Variants in RPS6KA1 observed in about 807,000 individuals in gnomAD.
RPS6KA1 encodes the protein ribosomal protein S6 kinase A1.
In RPS6KA1, 48 loss-of-function variants were observed where a neutral mutation model predicts 91.3. The ratio of observed to expected loss-of-function variants is 0.53; its 90% CI spans 0.42 to 0.67. RPS6KA1 has a LOEUF of 0.67. RPS6KA1 is among the 30% of genes least tolerant of loss of function. RPS6KA1 has a pLI of 0.00. For synonymous variants in RPS6KA1, 359 were observed against 384.7 expected, an observed-to-expected ratio of 0.93 and a Z score of 0.78; for missense variants, 719 against 960.5, an observed-to-expected ratio of 0.75 and a Z score of 3.32.
In RPS6KA1 at chr1:26,554,633, G is replaced by A; in HGVS notation, c.651G>A (p.Lys217=). The change falls in exon 9 of 22, where the codon AAG becomes AAA. Residue 217 remains lysine, a synonymous_variant. Coordinates refer to ENST00000374168, the MANE Select transcript of RPS6KA1 (RefSeq NM_002953.4). The surrounding 1 kb of genome is among the most constrained non-coding windows in gnomAD (Gnocchi z 4.6). Reference sequence around the variant, plus strand: ...GCAAAGAGGCCATTGACCACGAGAAGAAGGCCTATTCTTTCTGCGGGACAG... The same window carrying A: ...GCAAAGAGGCCATTGACCACGAGAAAAAGGCCTATTCTTTCTGCGGGACAG... ...GLSKEAIDHE[K]KAYSFCGTVE... is the part of the protein sequence containing the mutation. The A allele has an allele frequency of 6.2e-7, 1 of 1,613,820 alleles. No individual in the cohort carries two copies. The highest frequency in any genetic ancestry group is 8.5e-7 in the Non-Finnish European group (1 of 1,179,756).
At chr1:26,548,014 A>C (rs530280409) in intron 4 of RPS6KA1, among the ~76,000 whole-genome samples, 1 of 152,296 alleles carries the variant, frequency 6.6e-6, no homozygotes, top group South Asian at 2.1e-4. Context: ...AAAAATACAA[A>C]GAAATGAGCT....
chr1:26,561,174 C>T lies in RPS6KA1; in HGVS notation c.1431+40C>T, dbSNP rs1441621163. 7 of 1,531,276 alleles carry T rather than the reference C, an allele frequency of 4.6e-6. No individual in the cohort carries two copies. The Admixed American group carries it at 1.0e-4, about 22-fold the overall frequency. The allele number at this position is 1,531,276 out of a possible 1,614,324, so 94.9% of individuals were successfully genotyped here. A position where few individuals can be genotyped will look rare whatever the true frequency, so the allele number is the denominator to read the frequency against. ...TTAAGACTGGGGTGGGGACCAGGAA[C>T]TCAACTCTCAGGATTTGTCTCAGGA... On this transcript the variant is annotated intron_variant, in intron 16 of 21. Transcript: ENST00000374168. The surrounding 1 kb of genome is among the most constrained non-coding windows in gnomAD (Gnocchi z 5.7).
intron 1 of RPS6KA1, among the ~76,000 whole-genome samples, chr1:26,533,999 C>CAG (rs1302864237): frequency 6.6e-6 from 1 of 152,174 alleles, no homozygotes; most frequent in Non-Finnish European, 1.5e-5. Context: ...ACACCCAAGC[C>CAG]AGAGATCCAG....
intron 13 of RPS6KA1, among the ~76,000 whole-genome samples, chr1:26,557,635 T>C (rs2076114276): frequency 6.6e-6 from 1 of 152,130 alleles, no homozygotes; most frequent in South Asian, 2.1e-4. Flanking sequence ...TGAGGGAGCT[T>C]CTGGGAAGGA....
intron 17 of RPS6KA1, among the ~76,000 whole-genome samples, chr1:26,568,000 G>A (rs1036026392): frequency 1.3e-5 from 2 of 152,124 alleles, no homozygotes; most frequent in African/African-American, 2.4e-5. Flanking sequence ...TGGAGGTCAC[G>A]GCCTATTGCT....
intron 6 of RPS6KA1, chr1:26,552,757 C>A: frequency 3.4e-6 from 1 of 295,750 alleles, no homozygotes; most frequent in Non-Finnish European, 6.9e-6. Context: ...AAACTGCTGG[C>A]TGGGATTATA....
chr1:26,529,910 G>T lies in RPS6KA1; in HGVS notation c.-11G>T. 7.0e-7 allele frequency: 1 copy of T among 1,425,042 alleles called. No homozygotes were observed. The highest frequency in any genetic ancestry group is 9.2e-7 in the Non-Finnish European group (1 of 1,088,568). 88.3% of individuals were successfully genotyped at this position (1,425,042 alleles called of 1,614,324 possible). ...CCGCCGGAGGAGCGCGGGTGACCTGGCGGCGGCGAGATGCCGCTCGCCCAG... is the reference window on the plus strand; with the variant it reads ...CCGCCGGAGGAGCGCGGGTGACCTGTCGGCGGCGAGATGCCGCTCGCCCAG... On this transcript the variant is annotated 5_prime_UTR_variant, in exon 1 of 22. Transcript: ENST00000374168. The surrounding 1 kb of genome is among the most constrained non-coding windows in gnomAD (Gnocchi z 4.2).
rs534936061 is a variant in RPS6KA1 at position 26,546,887 on chromosome 1, G to C, written c.129G>C (p.Glu43Asp). ...ATCAGGATGAGGGCGTCCTCAAGGA[G>C]ATCTCCATCACGCACCACGTCAAGG... ...QPSKDEGVLK[E>D]ISITHHVKAG... is the part of the protein sequence containing the mutation. The change falls in exon 3 of 22, where the codon GAG (glutamate) becomes GAC (aspartate). Residue 43 changes from glutamate (E) to aspartate (D), a missense_variant. Glu to Asp is a conservative substitution (Grantham distance 45). This residue lies in a region of RPS6KA1 where 57 missense variants were observed against 55.8 expected (regional missense o/e 1.02). Coordinates refer to ENST00000374168, the MANE Select transcript of RPS6KA1 (RefSeq NM_002953.4). The C allele has an allele frequency of 1.3e-4, 211 of 1,614,120 alleles. No individual in the cohort carries two copies. In the South Asian group the frequency reaches 2.0e-3, roughly 15 times the overall value.
rs375204707 is a variant in RPS6KA1 at position 26,555,256 on chromosome 1, C to A, written c.827+35C>A. ...AGCCCTGCCCTGATAACAATGGACT[C>A]CTCCAAGCCCCAGCCCCAGTTTGGG... is the stretch of plus-strand genomic sequence containing the variant. On this transcript the variant is annotated intron_variant, in intron 10 of 21. Coordinates refer to ENST00000374168, the MANE Select transcript of RPS6KA1 (RefSeq NM_002953.4). The surrounding 1 kb of genome is among the most constrained non-coding windows in gnomAD (Gnocchi z 4.3). 2.0e-4 allele frequency: 328 copies of A among 1,600,168 alleles called. 1 individual carries two copies. Among genetic ancestry groups the A allele is most frequent in the Admixed American group, 7.7e-4 (46 of 59,834 alleles).
At chr1:26,538,735 C>A (rs1208602018) in intron 2 of RPS6KA1, among the ~76,000 whole-genome samples, 1 of 152,176 alleles carries the variant, frequency 6.6e-6, no homozygotes, top group African/African-American at 2.4e-5. Context: ...GGTCATTCCT[C>A]ATAGTCCAGA....
intron 17 of RPS6KA1, among the ~76,000 whole-genome samples, chr1:26,567,720 C>G (rs563306530): frequency 6.6e-6 from 1 of 152,286 alleles, no homozygotes; most frequent in East Asian, 1.9e-4. Flanking sequence ...TGTGTCTTAA[C>G]ATCCAGCATG....
intron 17 of RPS6KA1, among the ~76,000 whole-genome samples, chr1:26,567,624 C>T (rs1281294083): frequency 6.6e-6 from 1 of 152,074 alleles, no homozygotes; most frequent in Non-Finnish European, 1.5e-5. Flanking sequence ...TGTGATCTGC[C>T]CGCCTTGGCC....
chr1:26,552,627 C>T (rs1246161937), intron 6 of RPS6KA1, among the ~76,000 whole-genome samples: 1 of 151,036 alleles, frequency 6.6e-6, no homozygotes, highest in Non-Finnish European at 1.5e-5. Context: ...GCTGGGATGA[C>T]AGGTGCACGC....
chr1:26,566,265 G>GTATC lies in RPS6KA1; in HGVS notation c.1590+4604_1590+4607dup, dbSNP rs2076200532. On this transcript the variant is annotated intron_variant, in intron 17 of 21. Coordinates refer to ENST00000374168, the MANE Select transcript of RPS6KA1 (RefSeq NM_002953.4). ...TTGCCATTCTGGTGGGTGTGGAGTG[G>GTATC]TATCTCATTGTAGCTTTTTTTTTTT... is the stretch of plus-strand genomic sequence containing the variant. 2.0e-5 allele frequency among the ~76,000 whole-genome samples: 3 copies of GTATC among 146,596 alleles called. No individual in the cohort carries two copies. In the Admixed American group the frequency reaches 2.1e-4, roughly 10 times the overall value.
At chr1:26,556,619 A>G (rs2076103797) in intron 11 of RPS6KA1, 35 bp from the exon 12 acceptor site, 14 of 1,612,242 alleles carry the variant, frequency 8.7e-6, no homozygotes, top group Non-Finnish European at 1.2e-5. Context: ...GACTTGTGCC[A>G]GCCAGGGACA....
intron 4 of RPS6KA1, among the ~76,000 whole-genome samples, chr1:26,549,882 A>AT (rs2076032030): frequency 1.6e-5 from 2 of 121,538 alleles, no homozygotes; most frequent in Admixed American, 8.0e-5. Context: ...TTGTATATAT[A>AT]TTTTTTTCTT....
At chr1:26,546,117 G>A in intron 2 of RPS6KA1, 1 of 1,523,840 alleles carries the variant, frequency 6.6e-7, no homozygotes, top group South Asian at 1.2e-5. Context: ...ACATAAGCTG[G>A]CTTTGGGCTG....
chr1:26,551,847 C>A lies in RPS6KA1; in HGVS notation c.468+124C>A. The A allele has an allele frequency of 1.3e-6, 1 of 797,378 alleles. No individual in the cohort carries two copies. 49.4% of individuals were successfully genotyped at this position (797,378 alleles called of 1,614,324 possible). A position where few individuals can be genotyped will look rare whatever the true frequency, so the allele number is the denominator to read the frequency against. On this transcript the variant is annotated intron_variant, in intron 6 of 21. Transcript: ENST00000374168. This position sits in a 1 kb window ranked among gnomAD's most constrained non-coding sequence, Gnocchi z 4.5. The stretch of plus-strand genomic sequence containing the variant: ...TGAACCTGGAACCACCCAGGCCTGC[C>A]TAGCAGCCCCTGGCCCAGGAAATAC...
At chr1:26,544,144 G>A (rs768023743) in intron 2 of RPS6KA1, 8 of 456,140 alleles carry the variant, frequency 1.8e-5, no homozygotes, top group South Asian at 9.3e-5. Context: ...CTGCCTGCCC[G>A]TGTGTCTGCC....
Sources: gnomAD v4.1 joint callset for allele counts (sites outside exome capture counted in the v4.1 genomes callset) on GRCh38, gnomAD v4.1.1 for gene constraint, gnomAD v4.1.1 regional missense constraint, Gnocchi (gnomAD v3.1) non-coding constraint, MANE v1.5 for transcripts, NCBI Gene and HGNC (gene_info 2026-07-23, HGNC 2026-07-21) for gene names.